GRAMD2B: variants seen among roughly 807,000 people sequenced by gnomAD.
GRAMD2B encodes the protein GRAM domain containing 2B.
GRAMD2B carries 41 observed loss-of-function variants against 59.2 expected under a neutral mutation model. The observed-to-expected ratio is 0.69, with a 90% CI of 0.54 to 0.90. The LOEUF is 0.90. Ranked by LOEUF, GRAMD2B falls within the 40% of genes least tolerant of loss-of-function variation. The probability of loss-of-function intolerance (pLI) is 0.00; values close to 1 mark genes in which losing one functional copy is unlikely to be tolerated. For missense variants in GRAMD2B, 424 were observed against 500.5 expected (o/e 0.85, Z 1.46); for synonymous variants, 161 against 182.7 (o/e 0.88, Z 0.96).
chr5:126,389,030 A>G (rs1390392979), intron 1 of GRAMD2B, among the ~76,000 whole-genome samples: 1 of 152,204 alleles, frequency 6.6e-6, no homozygotes, highest in Non-Finnish European at 1.5e-5. Flanking sequence ...ACAAAAAACC[A>G]CAAAGTGACT....
intron 1 of GRAMD2B, among the ~76,000 whole-genome samples, chr5:126,401,817 T>C (rs1757864959): frequency 6.6e-6 from 1 of 152,104 alleles, no homozygotes; most frequent in Non-Finnish European, 1.5e-5. Context: ...CATTAAATAC[T>C]GTATCTTGAG....
At chr5:126,394,553 C>A (rs1237068133) in intron 1 of GRAMD2B, among the ~76,000 whole-genome samples, 2 of 152,150 alleles carry the variant, frequency 1.3e-5, no homozygotes, top group Admixed American at 6.5e-5. Context: ...TTGATTCATT[C>A]AATATTCTAC....
At chr5:126,468,177 T>C (rs1003462808) in intron 2 of GRAMD2B, among the ~76,000 whole-genome samples, 1 of 152,246 alleles carries the variant, frequency 6.6e-6, no homozygotes, top group African/African-American at 2.4e-5. Context: ...TTGAAATGAC[T>C]GCGTTTAGCC....
exon 1 of GRAMD2B, chr5:126,371,339 C>T: frequency 8.7e-7 from 1 of 1,155,058 alleles, no homozygotes; most frequent in South Asian, 1.7e-5. Flanking sequence ...TCCTGCAATT[C>T]AAGGACTGTA....
intron 6 of GRAMD2B, chr5:126,480,062 G>C (rs1771426140): frequency 6.0e-6 from 1 of 166,108 alleles, no homozygotes; most frequent in Non-Finnish European, 1.3e-5. Context: ...CTCGGGAATT[G>C]TTAAATACCC....
At chr5:126,377,810 T>C (rs1037101342) in intron 1 of GRAMD2B, among the ~76,000 whole-genome samples, 2 of 152,130 alleles carry the variant, frequency 1.3e-5, no homozygotes, top group African/African-American at 4.8e-5. Flanking sequence ...ATCAGAAGTG[T>C]GTGGGTAGTG....
rs553522917 is a variant in GRAMD2B at position 126,401,379 on chromosome 5, T to C, written c.125+29812T>C. On this transcript the variant is annotated intron_variant, in intron 1 of 8. Transcript: ENST00000506445. Reference sequence around the variant, plus strand: ...AGTAAGTTGTCTATCTGTGCTGTTTTATAGCTCACTGAGCTTTCTTAAAAT... The same window carrying C: ...AGTAAGTTGTCTATCTGTGCTGTTTCATAGCTCACTGAGCTTTCTTAAAAT... 2.0e-5 allele frequency among the ~76,000 whole-genome samples: 3 copies of C among 152,264 alleles called. No homozygotes were observed. In the South Asian group the frequency reaches 6.2e-4, roughly 32 times the overall value.
At chr5:126,365,585 G>A (rs1225421844) in intron 1 of GRAMD2B, among the ~76,000 whole-genome samples, 1 of 152,126 alleles carries the variant, frequency 6.6e-6, no homozygotes, top group Non-Finnish European at 1.5e-5. Context: ...TTGCTCAACT[G>A]TCAGTTCATT....
chr5:126,471,413 A>G (rs1769560217), intron 3 of GRAMD2B, among the ~76,000 whole-genome samples: 1 of 152,196 alleles, frequency 6.6e-6, no homozygotes, highest in Non-Finnish European at 1.5e-5. Context: ...TGCAGGTGAA[A>G]GTGTTTTACA....
chr5:126,456,001 T>A (rs924421770), intron 1 of GRAMD2B, among the ~76,000 whole-genome samples: 1 of 152,210 alleles, frequency 6.6e-6, no homozygotes, highest in African/African-American at 2.4e-5. Context: ...AATCTGGTAT[T>A]AGGTTTTACA....
intron 1 of GRAMD2B, among the ~76,000 whole-genome samples, chr5:126,407,990 G>T (rs189770627): frequency 2.5e-4 from 38 of 151,592 alleles, no homozygotes; most frequent in Non-Finnish European, 4.4e-5. Context: ...GGGTTCATGT[G>T]CAGGCTTGTT....
intron 1 of GRAMD2B, among the ~76,000 whole-genome samples, chr5:126,459,633 C>A (rs1303100179): frequency 6.6e-6 from 1 of 152,146 alleles, no homozygotes; most frequent in Non-Finnish European, 1.5e-5. Flanking sequence ...CAGCTTTACT[C>A]TTAAGAAGAA....
At chr5:126,490,483 G>C (rs550097117) in intron 13 of GRAMD2B, 1 of 152,442 alleles carries the variant, frequency 6.6e-6, no homozygotes, top group East Asian at 1.9e-4. Context: ...AGGTTTACAG[G>C]AGCACCAGTG....
chr5:126,423,595 G>A lies in GRAMD2B; in HGVS notation c.-12G>A, dbSNP rs754446207. The A allele has an allele frequency of 2.6e-5, 42 of 1,610,540 alleles. No homozygotes were observed. The highest frequency in any genetic ancestry group is 3.5e-5 in the Non-Finnish European group (41 of 1,178,768). On this transcript the variant is annotated 5_prime_UTR_variant, in exon 1 of 14. Transcript: ENST00000285689. ...CGCGGAAGTCTGAAGGTGCCCTCCA[G>A]ACACGGCCCCGATGACTGAACTACA...
At chr5:126,460,911 G>T (rs1581135199) in intron 1 of GRAMD2B, among the ~76,000 whole-genome samples, 1 of 152,196 alleles carries the variant, frequency 6.6e-6, no homozygotes, top group East Asian at 1.9e-4. Flanking sequence ...TGTTGATCAA[G>T]ACTGTGGCTT....
At chr5:126,360,439 A>G (rs1249323827) in exon 1 of GRAMD2B, 2 of 1,551,272 alleles carry the variant, frequency 1.3e-6, no homozygotes, top group African/African-American at 1.4e-5. Context: ...AAGTGAAGCC[A>G]GTGGGTCCGG....
At chr5:126,426,785 C>T (rs1192952256) in intron 1 of GRAMD2B, among the ~76,000 whole-genome samples, 2 of 152,114 alleles carry the variant, frequency 1.3e-5, no homozygotes, top group East Asian at 3.8e-4. Flanking sequence ...ATCACATTTC[C>T]TATCAGTAGC....
chr5:126,392,607 C>T (rs910003392), intron 1 of GRAMD2B, among the ~76,000 whole-genome samples: 6 of 151,900 alleles, frequency 3.9e-5, no homozygotes, highest in Admixed American at 2.0e-4. Context: ...ACAAGTGGTC[C>T]GCAACCTTTT....
chr5:126,453,566 A>G (rs996979248), intron 1 of GRAMD2B, among the ~76,000 whole-genome samples: 5 of 152,242 alleles, frequency 3.3e-5, no homozygotes, highest in African/African-American at 9.6e-5. Context: ...GCTGGAAACT[A>G]GAAAAGTCCA....
Sources: gnomAD v4.1 joint callset for allele counts (sites outside exome capture counted in the v4.1 genomes callset) on GRCh38, gnomAD v4.1.1 for gene constraint, MANE v1.5 for transcripts, NCBI Gene and HGNC (gene_info 2026-07-23, HGNC 2026-07-21) for gene names.